The following COA1 variants were observed in gnomAD, a reference collection of about 807,000 sequenced individuals.
COA1 encodes cytochrome c oxidase assembly factor 1 homolog.
COA1 carries 13 observed loss-of-function variants against 16.0 expected under a neutral mutation model. That is an observed-to-expected ratio of 0.81 (90% CI 0.53 to 1.29). The LOEUF is 1.29. COA1 is among the 50% of genes most tolerant of loss of function. The pLI is 0.00. For missense variants in COA1, 179 were observed against 177.0 expected, an observed-to-expected ratio of 1.01 and a Z score of -0.06; for synonymous variants, 65 against 65.7, an observed-to-expected ratio of 0.99 and a Z score of 0.05.
chr7:43,658,180 T>C (rs538471793), intron 1 of COA1, among the ~76,000 whole-genome samples: 2 of 151,908 alleles, frequency 1.3e-5, no homozygotes, highest in Non-Finnish European at 2.9e-5. Context: ...ATCGAGACCA[T>C]CCTGGCTAAC....
chr7:43,614,595 C>G (rs1394271945), intron 6 of COA1, among the ~76,000 whole-genome samples: 1 of 152,120 alleles, frequency 6.6e-6, no homozygotes, highest in African/African-American at 2.4e-5. Flanking sequence ...TTAAAAATAG[C>G]CCTGTGGTCA....
Position 43,639,642 on chromosome 7 carries a change from A to AGAG in COA1, c.380_381insCTC (p.Gly127_Gln128insSer), listed in dbSNP as rs775285101. 3 of 1,614,136 alleles carry AGAG rather than the reference A, an allele frequency of 1.9e-6. No individual in the cohort carries two copies. The highest frequency in any genetic ancestry group is 2.5e-6 in the Non-Finnish European group (3 of 1,179,978). ...TGAGCTTGAACACAGGAATCTGCTG[A>AGAG]CCATCCTTGAGCTCTAAAAAGACCT... is the stretch of plus-strand genomic sequence containing the variant. On this transcript the variant is annotated inframe_insertion, in exon 6 of 6. Transcript: ENST00000223336.
At chr7:43,623,352 G>A (rs1411570498) in intron 6 of COA1, 3 of 504,890 alleles carry the variant, frequency 5.9e-6, no homozygotes, top group Non-Finnish European at 6.9e-6. Context: ...AAATACTAGG[G>A]ACTCAACAAT....
intron 1 of COA1, among the ~76,000 whole-genome samples, chr7:43,714,674 T>C (rs926293002): frequency 6.6e-6 from 1 of 150,968 alleles, no homozygotes; most frequent in African/African-American, 2.4e-5. Flanking sequence ...TAAAAATGAT[T>C]TGTATCTGAC....
intron 1 of COA1, among the ~76,000 whole-genome samples, chr7:43,678,940 C>T (rs566966543): frequency 2.6e-5 from 4 of 152,276 alleles, no homozygotes; most frequent in South Asian, 4.1e-4. Flanking sequence ...ATATGATCCA[C>T]CAATTCCACC....
At chr7:43,665,003 T>C (rs2092780380) in intron 1 of COA1, among the ~76,000 whole-genome samples, 3 of 152,340 alleles carry the variant, frequency 2.0e-5, no homozygotes, top group Admixed American at 1.3e-4. Context: ...TGTAGTCAAA[T>C]AGGTGAATTG....
At chr7:43,666,975 A>C (rs1347445130) in intron 1 of COA1, among the ~76,000 whole-genome samples, 1 of 152,246 alleles carries the variant, frequency 6.6e-6, no homozygotes, top group Admixed American at 6.5e-5. Flanking sequence ...CTTTAGTAAA[A>C]GGGTTATAAA....
intron 6 of COA1, among the ~76,000 whole-genome samples, chr7:43,628,287 C>T (rs1393189353): frequency 2.0e-5 from 3 of 151,754 alleles, no homozygotes; most frequent in African/African-American, 7.2e-5. Flanking sequence ...CCACCATGCC[C>T]AGCCTGGTTT....
intron 1 of COA1, among the ~76,000 whole-genome samples, chr7:43,722,300 G>A (rs2095523265): frequency 6.6e-6 from 1 of 152,040 alleles, no homozygotes; most frequent in African/African-American, 2.4e-5. Flanking sequence ...TCGCCACTTT[G>A]CCCAAGCTGG....
intron 1 of COA1, among the ~76,000 whole-genome samples, chr7:43,708,202 T>C (rs963669632): frequency 2.6e-5 from 4 of 152,028 alleles, no homozygotes; most frequent in African/African-American, 9.7e-5. Flanking sequence ...ACACTCCGTC[T>C]CAAAAAAAAA....
At chr7:43,620,404 G>C (rs760754421) in intron 6 of COA1, among the ~76,000 whole-genome samples, 1 of 152,216 alleles carries the variant, frequency 6.6e-6, no homozygotes, top group African/African-American at 2.4e-5. Flanking sequence ...GCCAAGTGCA[G>C]TGGCTCACGC....
At chr7:43,619,500 G>A in intron 6 of COA1, 2 of 1,431,886 alleles carry the variant, frequency 1.4e-6, no homozygotes, top group Non-Finnish European at 1.9e-6. Flanking sequence ...AAATTCCTCA[G>A]TCTCAGTTTC....
intron 1 of COA1, among the ~76,000 whole-genome samples, chr7:43,696,695 AC>A (rs2094538347): frequency 6.8e-6 from 1 of 147,402 alleles, no homozygotes; most frequent in Admixed American, 6.7e-5. Context: ...GTTGATATAT[AC>A]ATATGTGTGT....
At chr7:43,691,422 AAAGAAAG>A (rs2094348656) in intron 1 of COA1, among the ~76,000 whole-genome samples, 2 of 20,060 alleles carry the variant, frequency 1.0e-4, no homozygotes, top group African/African-American at 3.8e-4. Context: ...GAAGAAAGAA[AAAGAAAG>A]AAAGAAAGAA....
intron 3 of COA1, chr7:43,646,316 T>C (rs540873327): frequency 5.4e-5 from 17 of 313,782 alleles, no homozygotes; most frequent in African/African-American, 3.5e-4. Flanking sequence ...CTAATCTTTA[T>C]TGAGTGATTT....
At chr7:43,686,370 G>A (rs540951528) in intron 1 of COA1, among the ~76,000 whole-genome samples, 22 of 148,194 alleles carry the variant, frequency 1.5e-4, no homozygotes, top group Middle Eastern at 3.4e-3. Context: ...GCTGTGGCGC[G>A]ATCTCCGCTC....
intron 3 of COA1, 105 bp from the exon 4 acceptor site, chr7:43,645,504 A>C: frequency 9.7e-7 from 1 of 1,027,308 alleles, no homozygotes. Context: ...AGAAACAGAA[A>C]CGTGAAATCT....
chr7:43,617,409 G>A (rs2083453014), intron 6 of COA1, among the ~76,000 whole-genome samples: 1 of 152,200 alleles, frequency 6.6e-6, no homozygotes, highest in Non-Finnish European at 1.5e-5. Flanking sequence ...TAGATGGAGA[G>A]AAATAGGCAA....
At chr7:43,633,820 A>C (rs774407052) in intron 6 of COA1, among the ~76,000 whole-genome samples, 6 of 151,974 alleles carry the variant, frequency 3.9e-5, no homozygotes, top group Middle Eastern at 6.8e-3. Context: ...TTTTTCAAAT[A>C]CTTTTTCAGC....
Sources: allele counts gnomAD v4.1 joint callset (sites outside exome capture counted in the v4.1 genomes callset), GRCh38; gene constraint gnomAD v4.1.1; transcripts MANE v1.5; gene names NCBI Gene and HGNC (gene_info 2026-07-23, HGNC 2026-07-21).